Variants in DPH6 observed in about 807,000 individuals in gnomAD.
DPH6 encodes diphthamine biosynthesis 6, also known as diphthine--ammonia ligase.
DPH6 carries 33 observed loss-of-function variants against 38.2 expected under a neutral mutation model. The ratio of observed to expected loss-of-function variants is 0.86; its 90% confidence interval spans 0.65 to 1.15. The LOEUF (loss-of-function observed/expected upper bound fraction) is 1.15. Ranked by LOEUF, DPH6 falls within the 50% of genes most tolerant of loss-of-function variation. The pLI, the probability that DPH6 is intolerant of heterozygous loss-of-function variation, is 0.00. For synonymous variants in DPH6, 108 were observed against 103.0 expected (o/e 1.05, Z -0.30); for missense variants, 325 against 320.0 (o/e 1.02, Z -0.12).
chr15:35,354,871 T>C (rs2052545870), intron 3 of DPH6, among the ~76,000 whole-genome samples: 1 of 152,190 alleles, frequency 6.6e-6, no homozygotes, highest in Non-Finnish European at 1.5e-5. Context: ...ATCTGTCTAA[T>C]ATTGACAGTG....
chr15:35,244,340 G>A (rs1039475285), intron 3 of DPH6, among the ~76,000 whole-genome samples: 2 of 152,128 alleles, frequency 1.3e-5, no homozygotes, highest in Non-Finnish European at 1.5e-5. Flanking sequence ...TTTCTCTATA[G>A]CACGTTAGTA....
chr15:35,298,075 CTATAT>C (rs1269818808), intron 3 of DPH6, among the ~76,000 whole-genome samples: 2 of 151,962 alleles, frequency 1.3e-5, no homozygotes, highest in African/African-American at 4.8e-5. Flanking sequence ...GATTTTTATA[CTATAT>C]TAAAAAGCCA....
At chr15:35,249,938 C>T (rs192639805) in intron 3 of DPH6, among the ~76,000 whole-genome samples, 7 of 151,788 alleles carry the variant, frequency 4.6e-5, no homozygotes, top group African/African-American at 1.4e-4. Context: ...CCGAGGCAGG[C>T]GGATCACGAG....
chr15:35,496,567 A>AAAAAAAAAAAAAAAAAATATATATATAT, intron 3 of DPH6, among the ~76,000 whole-genome samples: 10 of 31,008 alleles, frequency 3.2e-4, no homozygotes, highest in African/African-American at 8.2e-4. Context: ...AAAAAAAAAA[A>AAAAAAAAAAAAAAAAAATATATATATAT]ATATATATAT....
chr15:35,244,729 T>C (rs2051624208), intron 3 of DPH6, among the ~76,000 whole-genome samples: 1 of 151,812 alleles, frequency 6.6e-6, no homozygotes. Context: ...AGAAGAAAAC[T>C]TAGGATGGGT....
At chr15:35,385,826 A>T (rs1207189840) in intron 6 of DPH6, among the ~76,000 whole-genome samples, 1 of 152,120 alleles carries the variant, frequency 6.6e-6, no homozygotes, top group Non-Finnish European at 1.5e-5. Context: ...ATTTGTATAA[A>T]AGTGTGTTTA....
intron 3 of DPH6, among the ~76,000 whole-genome samples, chr15:35,349,192 G>A (rs187590482): frequency 2.0e-5 from 3 of 152,164 alleles, no homozygotes; most frequent in African/African-American, 7.2e-5. Flanking sequence ...ACACTACGTT[G>A]AATAGAAGTG....
At chr15:35,286,902 A>G (rs1039316631) in intron 3 of DPH6, among the ~76,000 whole-genome samples, 3 of 152,202 alleles carry the variant, frequency 2.0e-5, no homozygotes, top group Non-Finnish European at 4.4e-5. Flanking sequence ...ACTTCTGACC[A>G]AGGCAAATTA....
chr15:35,212,021 C>T, the DPH6 span, among the ~76,000 whole-genome samples: 1 of 152,166 alleles, frequency 6.6e-6, no homozygotes, highest in African/African-American at 2.4e-5. Context: ...TTGTTTGAGA[C>T]ATAATATGAA....
chr15:35,296,761 A>G (rs749842734), intron 3 of DPH6, among the ~76,000 whole-genome samples: 4 of 151,922 alleles, frequency 2.6e-5, no homozygotes, highest in Admixed American at 1.3e-4. Context: ...TTCTCCTGAC[A>G]ACCATTTTTT....
chr15:35,210,641 CTGAGTA>C, the DPH6 span, among the ~76,000 whole-genome samples: 1 of 152,130 alleles, frequency 6.6e-6, no homozygotes, highest in Non-Finnish European at 1.5e-5. Flanking sequence ...AGAATTAGTT[CTGAGTA>C]TATGTGATTA....
intron 5 of DPH6, among the ~76,000 whole-genome samples, chr15:35,437,219 C>T (rs1595562560): frequency 6.6e-6 from 1 of 152,158 alleles, no homozygotes; most frequent in African/African-American, 2.4e-5. Flanking sequence ...GCCTCGCTCC[C>T]CTCTTTCTAG....
chr15:35,164,771 A>G, the DPH6 span, among the ~76,000 whole-genome samples: 1 of 151,866 alleles, frequency 6.6e-6, no homozygotes, highest in Non-Finnish European at 1.5e-5. Context: ...AGATGTCCTC[A>G]TCTTATAAAA....
the DPH6 span, among the ~76,000 whole-genome samples, chr15:35,178,442 A>C: frequency 1.3e-5 from 2 of 152,104 alleles, no homozygotes; most frequent in Non-Finnish European, 1.5e-5. Flanking sequence ...CTCCTTTACA[A>C]AACCATCAGA....
At chr15:35,327,707 CTTG>C (rs1342256344), downstream of DPH6, among the ~76,000 whole-genome samples, 6 of 152,192 alleles carry the variant, frequency 3.9e-5, no homozygotes, top group African/African-American at 1.2e-4. Flanking sequence ...TTGCTGCTCA[CTTG>C]TTGTGAGACT....
the DPH6 span, among the ~76,000 whole-genome samples, chr15:35,160,491 C>A: frequency 6.6e-6 from 1 of 151,788 alleles, no homozygotes; most frequent in African/African-American, 2.4e-5. Context: ...GGGTTTGTTA[C>A]ATGGGTAAAT....
the DPH6 span, among the ~76,000 whole-genome samples, chr15:35,180,962 T>C: frequency 6.6e-6 from 1 of 152,328 alleles, no homozygotes; most frequent in African/African-American, 2.4e-5. Context: ...TACAAAAATA[T>C]GCATTTAAGC....
chr15:35,224,952 C>T (rs954924440), intron 3 of DPH6, among the ~76,000 whole-genome samples: 18 of 152,244 alleles, frequency 1.2e-4, no homozygotes, highest in African/African-American at 4.3e-4. Flanking sequence ...CGTTGATACA[C>T]TGTCAGTCAC....
rs529554643 is a variant in DPH6 at position 35,353,327 on chromosome 15, T to C, written n.207+20194A>G. 7.9e-5 allele frequency among the ~76,000 whole-genome samples: 12 copies of C among 152,378 alleles called. No homozygotes were observed. The South Asian group carries it at 8.3e-4, about 11-fold the overall frequency. On this transcript the variant is annotated intron_variant and non_coding_transcript_variant, in intron 3 of 3. Coordinates refer to the DPH6 transcript ENST00000558973. ...TTTTGGCTTTTGTTGCCATTGCTTT[T>C]GGTGTTTTAGACATGAAGTCCTTGC...
Sources: gnomAD v4.1 joint callset for allele counts (sites outside exome capture counted in the v4.1 genomes callset) on GRCh38, gnomAD v4.1.1 for gene constraint, MANE v1.5 for transcripts, NCBI Gene and HGNC (gene_info 2026-07-23, HGNC 2026-07-21) for gene names.